Variants in N4BP2L2 observed in about 807,000 individuals in gnomAD.
N4BP2L2 encodes NEDD4 binding protein 2 like 2.
A neutral mutation model predicts 56.2 loss-of-function variants in N4BP2L2; 50 were observed. That is an observed-to-expected ratio of 0.89 (90% CI 0.71 to 1.13). The LOEUF (loss-of-function observed/expected upper bound fraction) is 1.13. N4BP2L2 is among the 50% of genes most tolerant of loss of function. The pLI, the probability that N4BP2L2 is intolerant of heterozygous loss-of-function variation, is 0.00. For synonymous variants in N4BP2L2, 203 were observed against 223.6 expected (o/e 0.91, Z 0.82); for missense variants, 689 against 693.8 (o/e 0.99, Z 0.08).
intron 6 of N4BP2L2, among the ~76,000 whole-genome samples, chr13:32,449,474 AACTGC>A (rs1343128861): frequency 6.6e-6 from 1 of 152,248 alleles, no homozygotes; most frequent in Non-Finnish European, 1.5e-5. Flanking sequence ...AAAAAAGTTA[AACTGC>A]ACTGAACAAA....
intron 7 of N4BP2L2, chr13:32,438,842 A>G: frequency 1.3e-6 from 1 of 744,000 alleles, no homozygotes; most frequent in Non-Finnish European, 2.2e-6. Context: ...TACCATTAAA[A>G]GTCTGGTTTT....
At chr13:32,514,701 C>T (rs529348615) in exon 6 of N4BP2L2, 1 of 152,332 alleles carries the variant, frequency 6.6e-6, no homozygotes, top group South Asian at 2.1e-4. Flanking sequence ...GTAAATTTCA[C>T]ATTTTTATAG....
intron 6 of N4BP2L2, among the ~76,000 whole-genome samples, chr13:32,496,024 T>TC (rs1313233888): frequency 1.3e-5 from 2 of 152,072 alleles, no homozygotes; most frequent in Non-Finnish European, 2.9e-5. Context: ...CACCACTGAT[T>TC]CCCCAGAGTT....
exon 6 of N4BP2L2, chr13:32,511,855 G>A (rs914052989): frequency 2.0e-5 from 3 of 151,434 alleles, no homozygotes; most frequent in Non-Finnish European, 4.4e-5. Flanking sequence ...TAAGAAAAAC[G>A]GAAGAAAAAA....
chr13:32,470,228 CCAGA>C (rs1436402394), intron 6 of N4BP2L2, among the ~76,000 whole-genome samples: 4 of 152,150 alleles, frequency 2.6e-5, no homozygotes, highest in African/African-American at 9.7e-5. Flanking sequence ...GACTTCTTTT[CCAGA>C]CAGCCAGGAA....
intron 2 of N4BP2L2, among the ~76,000 whole-genome samples, chr13:32,532,882 A>C (rs1224731993): frequency 2.5e-5 from 3 of 121,606 alleles, no homozygotes. Flanking sequence ...AGCCACCGGC[A>C]CCCGGCCTTT....
chr13:32,521,467 A>T lies in N4BP2L2; in HGVS notation c.1474-18T>A. 1.3e-6 allele frequency: 2 copies of T among 1,564,032 alleles called. No individual in the cohort carries two copies. Among genetic ancestry groups the T allele is most frequent in the Middle Eastern group, 1.7e-4 (1 of 5,824 alleles). On this transcript the variant is annotated intron_variant, in intron 4 of 5. Transcript: ENST00000267068. Reference sequence around the variant, plus strand: ...CCTATGGCCTACACAAAGGAAAGGAAGAAAACAAAAACCCAGAGAAGTACT... The same window carrying T: ...CCTATGGCCTACACAAAGGAAAGGATGAAAACAAAAACCCAGAGAAGTACT...
At chr13:32,538,383 C>T (rs1192873079) in intron 1 of N4BP2L2, among the ~76,000 whole-genome samples, 1 of 152,154 alleles carries the variant, frequency 6.6e-6, no homozygotes, top group African/African-American at 2.4e-5. Context: ...ATCCGAGCCC[C>T]ATGCCTCCAG....
chr13:32,497,859 G>A (rs964636398), intron 6 of N4BP2L2, among the ~76,000 whole-genome samples: 5 of 152,092 alleles, frequency 3.3e-5, no homozygotes, highest in Middle Eastern at 3.2e-3. Context: ...CTAGTATGCT[G>A]CACACCAAAC....
intron 6 of N4BP2L2, among the ~76,000 whole-genome samples, chr13:32,458,117 T>G (rs2079304280): frequency 1.3e-5 from 2 of 151,936 alleles, no homozygotes; most frequent in African/African-American, 4.9e-5. Flanking sequence ...CAGGCTAGAG[T>G]GCAGTGGCAT....
At chr13:32,515,205 GA>G (rs2048949826) in exon 6 of N4BP2L2, 1 of 152,042 alleles carries the variant, frequency 6.6e-6, no homozygotes, top group African/African-American at 2.4e-5. Context: ...AGCACTTTGG[GA>G]GGATCACTTG....
exon 7 of N4BP2L2, chr13:32,442,742 C>G (rs1566019546): frequency 6.2e-7 from 1 of 1,613,106 alleles, no homozygotes; most frequent in Non-Finnish European, 8.5e-7. Context: ...TTATGTAGCA[C>G]AAAAGAAGGA....
At chr13:32,496,109 T>C (rs549264348) in intron 6 of N4BP2L2, among the ~76,000 whole-genome samples, 2 of 152,324 alleles carry the variant, frequency 1.3e-5, no homozygotes, top group East Asian at 3.9e-4. Context: ...GGAAGGGCAA[T>C]GTGCTAGCTG....
At chr13:32,528,092 G>C (rs149796025) in intron 2 of N4BP2L2, among the ~76,000 whole-genome samples, 1 of 152,204 alleles carries the variant, frequency 6.6e-6, no homozygotes, top group East Asian at 1.9e-4. Context: ...TTTTGAAGCA[G>C]CATTTGTATT....
At chr13:32,499,244 A>T (rs996876253) in intron 6 of N4BP2L2, among the ~76,000 whole-genome samples, 9 of 152,292 alleles carry the variant, frequency 5.9e-5, no homozygotes, top group African/African-American at 1.9e-4. Flanking sequence ...AACGGTGAAA[A>T]GTAACCCACA....
At chr13:32,446,459 C>A (rs754585948) in intron 6 of N4BP2L2, 1 of 1,340,096 alleles carries the variant, frequency 7.5e-7, no homozygotes, top group African/African-American at 1.5e-5. Context: ...ACTCCCCTGT[C>A]TTTACTCAAA....
exon 2 of N4BP2L2, chr13:32,536,843 A>T: frequency 6.2e-7 from 1 of 1,614,020 alleles, no homozygotes; most frequent in South Asian, 1.1e-5. Context: ...ATGTCCTCTG[A>T]CATCAATGAT....
chr13:32,443,236 T>C, exon 7 of N4BP2L2: 1 of 1,614,004 alleles, frequency 6.2e-7, no homozygotes. Flanking sequence ...TATTTCTGGA[T>C]TGTTTCCTGG....
chr13:32,468,733 G>A (rs9591001), intron 6 of N4BP2L2, among the ~76,000 whole-genome samples: 41,817 of 152,098 alleles, frequency 0.27, 6,918 homozygotes, highest in Non-Finnish European at 0.37. Context: ...TACTGGGCTC[G>A]GAGCCACTAT....
Sources: allele counts gnomAD v4.1 joint callset (sites outside exome capture counted in the v4.1 genomes callset), GRCh38; gene constraint gnomAD v4.1.1; transcripts MANE v1.5; gene names NCBI Gene and HGNC (gene_info 2026-07-23, HGNC 2026-07-21).